ANK2: variants seen among roughly 807,000 people sequenced by gnomAD.
The protein encoded by ANK2 is ankyrin 2.
In ANK2, 83 loss-of-function variants were observed where a neutral mutation model predicts 360.5. That is an observed-to-expected ratio of 0.23 (90% CI 0.19 to 0.28). The LOEUF (loss-of-function observed/expected upper bound fraction) is 0.28. Among genes scored for constraint, ANK2 ranks in the 10% least tolerant of loss-of-function variants. The probability of loss-of-function intolerance (pLI) is 1.00; values close to 1 mark genes in which losing one functional copy is unlikely to be tolerated. For synonymous variants in ANK2, 1,740 were observed against 1,759.5 expected, an observed-to-expected ratio of 0.99 and a Z score of 0.28; for missense variants, 4,201 against 4,795.7, an observed-to-expected ratio of 0.88 and a Z score of 3.66.
In ANK2 at chr4:112,957,578, C is replaced by G. The variant is rs866033614; in HGVS notation, c.21+53064C>G. ...GCCGGGCAGAAGGGCTCCTCACTTC[C>G]CAGTAGGGGCGGCCGGGCAGAGGCG... On this transcript the variant is annotated intron_variant, in intron 2 of 30. Coordinates refer to the ANK2 transcript ENST00000503271. Among the ~76,000 whole-genome samples, 4 of 151,320 alleles carry G rather than the reference C, an allele frequency of 2.6e-5. No individual in the cohort carries two copies. The East Asian group carries it at 7.8e-4, about 30-fold the overall frequency.
chr4:113,077,544 A>G (rs953777412), intron 1 of ANK2, among the ~76,000 whole-genome samples: 9 of 152,242 alleles, frequency 5.9e-5, no homozygotes, highest in Non-Finnish European at 1.3e-4. Context: ...ACATTGCTTC[A>G]GTTCTAAAGA....
rs1197491865 is a variant in ANK2, at chr4:113,165,363, TTATTTC to T, written c.85-9048_85-9043del. 4.6e-5 allele frequency among the ~76,000 whole-genome samples: 7 copies of T among 152,318 alleles called. No homozygotes were observed. The East Asian group carries it at 1.3e-3, about 29-fold the overall frequency. ...TCCAATGTGGAGCTGTAAGATTTGA[TTATTTC>T]TATTGCTGGCCTGAAGAAGTACAGA... On this transcript the variant is annotated intron_variant, in intron 1 of 45. Transcript: ENST00000357077.
chr4:113,144,412 A>AT (rs1279221973), intron 1 of ANK2, among the ~76,000 whole-genome samples: 7 of 151,748 alleles, frequency 4.6e-5, no homozygotes, highest in East Asian at 3.9e-4. Context: ...GTTATTTTTA[A>AT]TTTTTTTAAA....
intron 2 of ANK2, among the ~76,000 whole-genome samples, chr4:112,963,584 AT>A (rs1171997524): frequency 1.3e-5 from 2 of 151,934 alleles, no homozygotes; most frequent in Admixed American, 1.3e-4. Flanking sequence ...GGCAGACTGA[AT>A]TTTTTTTCCA....
intron 1 of ANK2, among the ~76,000 whole-genome samples, chr4:113,144,231 A>G (rs184982213): frequency 2.0e-5 from 3 of 152,252 alleles, no homozygotes; most frequent in Non-Finnish European, 4.4e-5. Context: ...GAACTTTATA[A>G]TAAGCAAGAT....
intron 2 of ANK2, among the ~76,000 whole-genome samples, chr4:113,194,689 G>A (rs1469101021): frequency 6.6e-6 from 1 of 151,956 alleles, no homozygotes; most frequent in Non-Finnish European, 1.5e-5. Flanking sequence ...TGAAGTTGTG[G>A]TATCAAAGAT....
intron 1 of ANK2, among the ~76,000 whole-genome samples, chr4:112,824,409 C>T (rs1482114259): frequency 1.3e-5 from 2 of 151,974 alleles, no homozygotes; most frequent in African/African-American, 2.4e-5. Context: ...GTTCTGTTGC[C>T]CAGGCTGGTC....
At chr4:112,841,249 G>A (rs1287606810) in intron 1 of ANK2, among the ~76,000 whole-genome samples, 2 of 152,106 alleles carry the variant, frequency 1.3e-5, no homozygotes, top group East Asian at 3.8e-4. Context: ...ACAAGAAAAC[G>A]CACAGTGCAT....
chr4:113,079,501 T>G (rs932463373), intron 1 of ANK2, among the ~76,000 whole-genome samples: 36 of 152,218 alleles, frequency 2.4e-4, no homozygotes, highest in African/African-American at 8.7e-4. Flanking sequence ...TGGTTTTCTT[T>G]TCTAGATTTT....
chr4:113,217,081 C>G (rs17445361), intron 4 of ANK2: 4 of 152,060 alleles, frequency 2.6e-5, no homozygotes, highest in Non-Finnish European at 5.9e-5. Context: ...ATTCTTCCCT[C>G]GACACATATG....
the ANK2 span, among the ~76,000 whole-genome samples, chr4:112,778,230 A>G: frequency 6.6e-6 from 1 of 152,076 alleles, no homozygotes; most frequent in African/African-American, 2.4e-5. Context: ...TCAGCCTCCC[A>G]AAGTGCTGGG....
At chr4:112,994,577 A>C (rs2047911317) in intron 2 of ANK2, among the ~76,000 whole-genome samples, 1 of 152,206 alleles carries the variant, frequency 6.6e-6, no homozygotes, top group Admixed American at 6.5e-5. Context: ...TCACTGTGGT[A>C]TAGACATCGG....
chr4:113,280,604 G>C (rs1033909342), intron 17 of ANK2, among the ~76,000 whole-genome samples: 2 of 152,088 alleles, frequency 1.3e-5, no homozygotes, highest in Non-Finnish European at 2.9e-5. Flanking sequence ...TAATACACAC[G>C]GTCCTTTGGC....
chr4:113,298,818 T>G (rs1438854929), intron 22 of ANK2, among the ~76,000 whole-genome samples: 1 of 152,128 alleles, frequency 6.6e-6, no homozygotes, highest in Non-Finnish European at 1.5e-5. Flanking sequence ...GATTCAGAGG[T>G]AGTTGCATAA....
At chr4:113,206,121 T>A (rs182654558) in intron 4 of ANK2, among the ~76,000 whole-genome samples, 35 of 152,332 alleles carry the variant, frequency 2.3e-4, no homozygotes, top group African/African-American at 8.4e-4. Context: ...CCAGGATACA[T>A]GTGCAGAACA....
At position 113,259,888 on chromosome 4, in the gene ANK2, A is replaced by G. The variant is rs141574889; in HGVS notation, c.1386+1477A>G. Reference sequence around the variant, plus strand: ...ACATTAAAACAAAAAACAAACAACAACAACAGCAACCAACAAAAGAAACAA... The same window carrying G: ...ACATTAAAACAAAAAACAAACAACAGCAACAGCAACCAACAAAAGAAACAA... On this transcript the variant is annotated intron_variant, in intron 13 of 45. Transcript: ENST00000357077. Among the ~76,000 whole-genome samples the G allele has an allele frequency of 1.3e-3, 200 of 151,862 alleles. 1 individual carries two copies. The highest frequency in any genetic ancestry group is 4.5e-3 in the African/African-American group (187 of 41,446).
rs182520395 is a variant in ANK2, at chr4:113,325,315, C to G, written c.2901-4931C>G. 2.4e-4 allele frequency among the ~76,000 whole-genome samples: 36 copies of G among 152,228 alleles called. No individual in the cohort carries two copies. In the East Asian group the frequency reaches 6.9e-3, roughly 29 times the overall value. On this transcript the variant is annotated intron_variant, in intron 26 of 45. Coordinates refer to ENST00000357077, the MANE Select transcript of ANK2 (RefSeq NM_001148.6). ...TTTATTTTCCAATTAAGAATTCTTT[C>G]AGAGCATCTGAAATGAAAGGTTTAA...
intron 2 of ANK2, among the ~76,000 whole-genome samples, chr4:112,939,432 C>G (rs1279252910): frequency 1.3e-5 from 2 of 152,060 alleles, no homozygotes; most frequent in Non-Finnish European, 2.9e-5. Flanking sequence ...GTCTCAGCCT[C>G]CCAAGTAGCT....
chr4:113,169,576 G>A (rs905113730), intron 1 of ANK2, among the ~76,000 whole-genome samples: 39 of 152,240 alleles, frequency 2.6e-4, no homozygotes, highest in African/African-American at 7.0e-4. Context: ...TGTGTAGGGC[G>A]CACCATAAGC....
Sources: gnomAD v4.1 joint callset for allele counts (sites outside exome capture counted in the v4.1 genomes callset) on GRCh38, gnomAD v4.1.1 for gene constraint, MANE v1.5 for transcripts, NCBI Gene and HGNC (gene_info 2026-07-23, HGNC 2026-07-21) for gene names.